Variants in TAFA2 observed in about 807,000 individuals in gnomAD.
TAFA2 encodes the protein TAFA chemokine like family member 2.
Under a neutral mutation model 18.8 loss-of-function variants are expected in TAFA2, and 7 were observed. That is an observed-to-expected ratio of 0.37 (90% CI 0.21 to 0.70). The LOEUF (loss-of-function observed/expected upper bound fraction) is 0.70, where lower values mean the gene tolerates loss of function less well. Ranked by LOEUF, TAFA2 falls within the 30% of genes least tolerant of loss-of-function variation. TAFA2 has a pLI of 0.53. For synonymous variants in TAFA2, 60 were observed against 54.2 expected (o/e 1.11, Z -0.47); for missense variants, 122 against 158.1 (o/e 0.77, Z 1.23).
chr12:62,150,648 A>G (rs1407648610), intron 1 of TAFA2, among the ~76,000 whole-genome samples: 12 of 152,180 alleles, frequency 7.9e-5, no homozygotes, highest in Non-Finnish European at 1.6e-4. Flanking sequence ...CACACCTGTA[A>G]TCACAGCACT....
At chr12:62,225,393 A>T (rs2062781668) in intron 1 of TAFA2, among the ~76,000 whole-genome samples, 1 of 152,202 alleles carries the variant, frequency 6.6e-6, no homozygotes, top group African/African-American at 2.4e-5. Context: ...ATGTAAATAA[A>T]TCATAAAGAA....
intron 1 of TAFA2, among the ~76,000 whole-genome samples, chr12:62,249,547 T>C (rs563467283): frequency 1.7e-4 from 26 of 152,288 alleles, no homozygotes; most frequent in Admixed American, 1.6e-3. Flanking sequence ...CATGTGATCT[T>C]TGCATATGCT....
chr12:61,950,627 T>C (rs779319950), intron 1 of TAFA2, among the ~76,000 whole-genome samples: 6 of 152,192 alleles, frequency 3.9e-5, no homozygotes, highest in Non-Finnish European at 7.3e-5. Context: ...TTTGTTGTTG[T>C]TGAGTTGTAA....
intron 2 of TAFA2, among the ~76,000 whole-genome samples, chr12:61,845,688 A>T (rs193019633): frequency 6.6e-6 from 1 of 152,170 alleles, no homozygotes. Flanking sequence ...TTTTCCAAAG[A>T]GACTATCTTA....
At chr12:61,852,772 A>G (rs1592435469) in intron 2 of TAFA2, among the ~76,000 whole-genome samples, 1 of 152,286 alleles carries the variant, frequency 6.6e-6, no homozygotes, top group Middle Eastern at 3.4e-3. Flanking sequence ...TGGGACAAAT[A>G]ATAGAAAACG....
At chr12:62,085,071 GA>G (rs1165635482) in intron 1 of TAFA2, among the ~76,000 whole-genome samples, 1 of 152,112 alleles carries the variant, frequency 6.6e-6, no homozygotes, top group African/African-American at 2.4e-5. Context: ...CCCCAGAAAA[GA>G]GAGAAACTGA....
intron 1 of TAFA2, among the ~76,000 whole-genome samples, chr12:61,951,581 C>CAACT (rs1158066523): frequency 6.6e-6 from 1 of 151,912 alleles, no homozygotes; most frequent in Admixed American, 6.6e-5. Context: ...AAAGCCTTGG[C>CAACT]AACTCTATGT....
intron 1 of TAFA2, among the ~76,000 whole-genome samples, chr12:62,096,422 A>G (rs1868952336): frequency 6.6e-6 from 1 of 152,182 alleles, no homozygotes; most frequent in African/African-American, 2.4e-5. Context: ...ATAAGATGTC[A>G]CAACAGGATC....
rs559938724 is a variant in TAFA2, at chr12:62,004,710, C to A, written c.-1-137284G>T. ...TACCCAAAGGAAATGAAATGAGTAT[C>A]ATATAGATATCAGTGCTCCCATATT... On this transcript the variant is annotated intron_variant, in intron 1 of 4. Transcript: ENST00000416284. 4.6e-5 allele frequency among the ~76,000 whole-genome samples: 7 copies of A among 152,138 alleles called. No homozygotes were observed. In the South Asian group the frequency reaches 1.4e-3, roughly 32 times the overall value.
rs79491170 is a variant in TAFA2, at chr12:61,801,659, G to T, written c.107-46635C>A. ...AAGCCATGAAGCTTTAAAACTACTAGAAGAAAGCATCGGGGTAATGCTTAA... is the reference window on the plus strand; with the variant it reads ...AAGCCATGAAGCTTTAAAACTACTATAAGAAAGCATCGGGGTAATGCTTAA... On this transcript the variant is annotated intron_variant, in intron 2 of 4. Transcript: ENST00000416284. 9.6e-3 allele frequency among the ~76,000 whole-genome samples: 1,467 copies of T among 152,148 alleles called. 14 individuals are homozygous for T. The highest frequency in any genetic ancestry group is 0.013 in the Non-Finnish European group (890 of 67,960).
intron 1 of TAFA2, among the ~76,000 whole-genome samples, chr12:62,169,155 T>G (rs538618847): frequency 1.3e-5 from 2 of 152,226 alleles, no homozygotes; most frequent in Non-Finnish European, 2.9e-5. Context: ...ACAAAATAAA[T>G]GATAGATATC....
At chr12:61,712,911 C>T (rs760806166) in intron 4 of TAFA2, among the ~76,000 whole-genome samples, 1 of 151,914 alleles carries the variant, frequency 6.6e-6, no homozygotes, top group Non-Finnish European at 1.5e-5. Flanking sequence ...CCATGAAGAT[C>T]AAGTATTATA....
At position 62,146,284 on chromosome 12, in the gene TAFA2, C is replaced by CTTTTT. The variant is rs11415151; in HGVS notation, c.-2+44970_-2+44974dup. On this transcript the variant is annotated intron_variant, in intron 1 of 4. Coordinates refer to ENST00000416284, the MANE Select transcript of TAFA2 (RefSeq NM_178539.5). ...CTTCAAAGCTTTCTCCCCTTTGCTG[C>CTTTTT]TTTTTTTTTTTTTTTTTTTGACAGG... 1.4e-4 allele frequency among the ~76,000 whole-genome samples: 16 copies of CTTTTT among 117,694 alleles called. 2 individuals carry two copies. The highest frequency in any genetic ancestry group is 1.8e-4 in the Non-Finnish European group (11 of 59,738). The allele number at this position is 117,694 out of a possible 152,430, so 77.2% of individuals were successfully genotyped here.
At chr12:61,983,241 T>C (rs1879699949) in intron 1 of TAFA2, among the ~76,000 whole-genome samples, 2 of 152,186 alleles carry the variant, frequency 1.3e-5, no homozygotes, top group African/African-American at 4.8e-5. Context: ...ACCCATAGGA[T>C]TCAAAATCAT....
intron 4 of TAFA2, among the ~76,000 whole-genome samples, chr12:61,739,454 G>A (rs1173520082): frequency 6.6e-6 from 1 of 152,020 alleles, no homozygotes; most frequent in Non-Finnish European, 1.5e-5. Flanking sequence ...ATTATGATCT[G>A]TAGACATTTT....
chr12:61,790,939 A>G (rs1870951156), intron 2 of TAFA2, among the ~76,000 whole-genome samples: 1 of 151,904 alleles, frequency 6.6e-6, no homozygotes, highest in Admixed American at 6.6e-5. Context: ...TAGAGGCATC[A>G]TATTACCTGA....
intron 1 of TAFA2, among the ~76,000 whole-genome samples, chr12:62,055,760 T>A (rs923774118): frequency 1.3e-5 from 2 of 152,130 alleles, no homozygotes; most frequent in Admixed American, 6.5e-5. Flanking sequence ...AGTAAAATGA[T>A]AGACTAGAAA....
chr12:61,762,454 A>G (rs1365286427), intron 2 of TAFA2, among the ~76,000 whole-genome samples: 1 of 151,984 alleles, frequency 6.6e-6, no homozygotes, highest in Non-Finnish European at 1.5e-5. Flanking sequence ...ATGAAGACCA[A>G]ATGAGATAAT....
intron 1 of TAFA2, among the ~76,000 whole-genome samples, chr12:62,153,921 A>ATTATATTATGTTATGTTATGTTATG (rs1197679735): frequency 8.1e-6 from 1 of 124,024 alleles, no homozygotes; most frequent in African/African-American, 3.2e-5. Flanking sequence ...ACATAACAAA[A>ATTATATTATGTTATGTTATGTTATG]TTATGTTATG....
Sources: allele counts gnomAD v4.1 joint callset (sites outside exome capture counted in the v4.1 genomes callset), GRCh38; gene constraint gnomAD v4.1.1; transcripts MANE v1.5; gene names NCBI Gene and HGNC (gene_info 2026-07-23, HGNC 2026-07-21).